HOPX: variants seen among roughly 807,000 people sequenced by gnomAD.
The protein encoded by HOPX is homeodomain-only protein.
A neutral mutation model predicts 11.8 loss-of-function variants in HOPX; 5 were observed. The observed-to-expected ratio is 0.43, with a 90% CI of 0.22 to 0.89. HOPX has a LOEUF of 0.89. HOPX is among the 40% of genes least tolerant of loss of function. HOPX has a pLI of 0.28. For missense variants in HOPX, 119 were observed against 120.0 expected (o/e 0.99, Z 0.04); for synonymous variants, 49 against 49.7 (o/e 0.99, Z 0.06).
intron 1 of HOPX, among the ~76,000 whole-genome samples, chr4:56,668,264 TAAAG>T (rs1390093886): frequency 1.3e-5 from 2 of 152,092 alleles, no homozygotes; most frequent in African/African-American, 4.8e-5. Context: ...ATAGATGAAA[TAAAG>T]AAAGCGAACA....
At chr4:56,654,646 G>A (rs1028119397) in intron 3 of HOPX, among the ~76,000 whole-genome samples, 2 of 152,132 alleles carry the variant, frequency 1.3e-5, no homozygotes, top group Non-Finnish European at 2.9e-5. Context: ...ACCTGTAAAT[G>A]ACAGGATCAT....
intron 1 of HOPX, among the ~76,000 whole-genome samples, chr4:56,672,202 C>T (rs144541886): frequency 2.6e-5 from 4 of 151,958 alleles, no homozygotes; most frequent in East Asian, 1.9e-4. Context: ...TAACCAATAT[C>T]GAGAAATAAA....
intron 3 of HOPX, among the ~76,000 whole-genome samples, chr4:56,651,873 AGTGTGTGTGTGTGTGTGTGTGTGT>A (rs796685500): frequency 4.4e-5 from 6 of 136,762 alleles, no homozygotes; most frequent in South Asian, 2.3e-4. Flanking sequence ...AGAGAGAGAG[AGTGTGTGTGTGTGTGTGTGTGTGT>A]GTGTGTGTGT....
chr4:56,657,319 G>A lies in HOPX; in HGVS notation c.42+456C>T, dbSNP rs138219795. On this transcript the variant is annotated intron_variant, in intron 2 of 3. Coordinates refer to ENST00000420433, the MANE Select transcript of HOPX (RefSeq NM_032495.6). ...AGACAAGGGCAAGTGTGGGAATCACGTTGGTTTGTTGTTTTAACAAACAAT... is the reference window on the plus strand; with the variant it reads ...AGACAAGGGCAAGTGTGGGAATCACATTGGTTTGTTGTTTTAACAAACAAT... Among the ~76,000 whole-genome samples, 715 of 152,256 alleles carry A rather than the reference G, an allele frequency of 4.7e-3. 3 individuals are homozygous for A. The highest frequency in any genetic ancestry group is 0.02 in the Middle Eastern group (6 of 294).
At chr4:56,652,855 A>C (rs1461220906) in intron 3 of HOPX, among the ~76,000 whole-genome samples, 1 of 152,056 alleles carries the variant, frequency 6.6e-6, no homozygotes, top group African/African-American at 2.4e-5. Context: ...AAGAAAAAGA[A>C]ACTGGGGAAG....
At chr4:56,660,535 A>G (rs983571388) in intron 1 of HOPX, among the ~76,000 whole-genome samples, 1 of 152,224 alleles carries the variant, frequency 6.6e-6, no homozygotes, top group South Asian at 2.1e-4. Context: ...ATTTTCTATA[A>G]TAAGCATTTA....
chr4:56,652,445 C>A (rs1273485860), intron 3 of HOPX, among the ~76,000 whole-genome samples: 3 of 152,046 alleles, frequency 2.0e-5, no homozygotes, highest in Non-Finnish European at 4.4e-5. Flanking sequence ...AGGACTCAGG[C>A]ACATGAAACA....
intron 1 of HOPX, chr4:56,680,424 G>A (rs1184386810): frequency 1.3e-5 from 2 of 152,008 alleles, no homozygotes; most frequent in Admixed American, 1.3e-4. Flanking sequence ...CAGCACCTTC[G>A]TTTTGTTCTC....
At position 56,650,553 on chromosome 4, in the gene HOPX, A is replaced by G. The variant is rs549448205; in HGVS notation, c.199-1756T>C. The G allele has an allele frequency of 8.5e-6, 8 of 945,174 alleles. No homozygotes were observed. In the Admixed American group the frequency reaches 1.7e-4, roughly 20 times the overall value. The allele number at this position is 945,174 out of a possible 1,614,324, so 58.5% of individuals were successfully genotyped here. On this transcript the variant is annotated intron_variant, in intron 3 of 3. Transcript: ENST00000420433. ...AGCTTGAATGGGGGTAAGGCTCTGCAGGACTGCTTTGGGCTCCACATCAAT... is the reference window on the plus strand; with the variant it reads ...AGCTTGAATGGGGGTAAGGCTCTGCGGGACTGCTTTGGGCTCCACATCAAT...
rs941220429 is a variant in HOPX, at chr4:56,672,336, C to T, written c.-84+8919G>A. Among the ~76,000 whole-genome samples the T allele has an allele frequency of 2.5e-4, 38 of 151,544 alleles. 1 individual carries two copies. Among genetic ancestry groups the T allele is most frequent in the African/African-American group, 9.2e-4 (38 of 41,112 alleles). ...GGAGGATCACTTGAAGCCAGGAGTT[C>T]CAGACCAGCCTAGGCAACATGGAGA... On this transcript the variant is annotated intron_variant, in intron 1 of 3. Coordinates refer to ENST00000420433, the MANE Select transcript of HOPX (RefSeq NM_032495.6).
chr4:56,673,169 C>T (rs1306142728), intron 1 of HOPX, among the ~76,000 whole-genome samples: 1 of 151,878 alleles, frequency 6.6e-6, no homozygotes, highest in East Asian at 1.9e-4. Context: ...CTGCAGGAGT[C>T]AATAAGTAAA....
At chr4:56,650,449 C>A (rs760992110) in intron 3 of HOPX, 7 of 481,070 alleles carry the variant, frequency 1.5e-5, no homozygotes, top group Non-Finnish European at 2.6e-5. Flanking sequence ...AAAGGGAATT[C>A]AGTATATAAG....
chr4:56,650,302 G>A (rs7442219), intron 3 of HOPX: 25,866 of 170,792 alleles, frequency 0.15, 2,792 homozygotes, highest in African/African-American at 0.32. Context: ...AGCAGAAAGA[G>A]CACAGCTGTG....
At position 56,673,101 on chromosome 4, in the gene HOPX, T is replaced by A. The variant is rs111601906; in HGVS notation, c.-84+8154A>T. ...TCTAAAGGGTGGTAGAACAAACATATGAGAATATTCATTACAGCATCATTT... is the reference window on the plus strand; with the variant it reads ...TCTAAAGGGTGGTAGAACAAACATAAGAGAATATTCATTACAGCATCATTT... On this transcript the variant is annotated intron_variant, in intron 1 of 3. Transcript: ENST00000420433. 1.0e-3 allele frequency among the ~76,000 whole-genome samples: 152 copies of A among 152,268 alleles called. 2 individuals are homozygous for A. The highest frequency in any genetic ancestry group is 3.5e-3 in the African/African-American group (145 of 41,558).
chr4:56,656,062 G>GGACGCAGCGAAGGAAGGCGGTCGC, intron 2 of HOPX, 50 bp from the exon 3 acceptor site: 1 of 1,461,648 alleles, frequency 6.8e-7, no homozygotes, highest in Non-Finnish European at 9.0e-7. Context: ...GGAGCGGGCG[G>GGACGCAGCGAAGGAAGGCGGTCGC]GACGCAGCGA....
intron 1 of HOPX, among the ~76,000 whole-genome samples, chr4:56,676,185 C>G (rs1003161723): frequency 6.6e-6 from 1 of 151,542 alleles, no homozygotes. Context: ...GTGGTCCCAA[C>G]TACTCTAGAG....
At chr4:56,662,373 A>C (rs2109508282) in intron 1 of HOPX, 1 of 152,308 alleles carries the variant, frequency 6.6e-6, no homozygotes, top group Non-Finnish European at 1.5e-5. Context: ...GAAGACTCAG[A>C]ATTCTACCTT....
At chr4:56,676,426 A>C (rs1385285947) in intron 1 of HOPX, 1 of 151,732 alleles carries the variant, frequency 6.6e-6, no homozygotes, top group Non-Finnish European at 1.5e-5. Context: ...GAGAATTTGG[A>C]AATGAAGGTG....
In HOPX at chr4:56,672,410, A is replaced by G. The variant is rs576839855; in HGVS notation, c.-84+8845T>C. 2.7e-3 allele frequency among the ~76,000 whole-genome samples: 417 copies of G among 151,732 alleles called. 5 individuals are homozygous for G. The highest frequency in any genetic ancestry group is 9.6e-3 in the African/African-American group (394 of 41,194). On this transcript the variant is annotated intron_variant, in intron 1 of 3. Transcript: ENST00000420433. ...AAAAATTAGCCAGGCATGGTGGCAC[A>G]CGCCTGTAATCCCAGCTGCTCTGGA...
Sources: gnomAD v4.1 joint callset for allele counts (sites outside exome capture counted in the v4.1 genomes callset) on GRCh38, gnomAD v4.1.1 for gene constraint, MANE v1.5 for transcripts, NCBI Gene and HGNC (gene_info 2026-07-23, HGNC 2026-07-21) for gene names.